The following FAT3 variants were observed in gnomAD, a reference collection of about 807,000 sequenced individuals.
FAT3 encodes the protein FAT atypical cadherin 3, also known as protocadherin Fat 3.
In FAT3, 95 loss-of-function variants were observed where a neutral mutation model predicts 310.2. The ratio of observed to expected loss-of-function variants is 0.31; its 90% CI spans 0.26 to 0.36. The LOEUF (loss-of-function observed/expected upper bound fraction) is 0.36. Ranked by LOEUF, FAT3 falls within the 10% of genes least tolerant of loss-of-function variation. FAT3 has a pLI of 1.00. For missense variants in FAT3, 5,408 were observed against 5,715.6 expected (o/e 0.95, Z 1.74); for synonymous variants, 2,314 against 2,192.9 (o/e 1.06, Z -1.54).
chr11:92,528,178 G>T (rs1953937314), intron 3 of FAT3, among the ~76,000 whole-genome samples: 1 of 152,160 alleles, frequency 6.6e-6, no homozygotes, highest in Admixed American at 6.5e-5. Context: ...ACCACATCTA[G>T]AATCACGTAG....
chr11:92,855,463 G>A (rs1948948420), intron 19 of FAT3, among the ~76,000 whole-genome samples: 1 of 152,200 alleles, frequency 6.6e-6, no homozygotes, highest in Non-Finnish European at 1.5e-5. Context: ...CTTGAGGTGA[G>A]AGAAAGGAGG....
intron 3 of FAT3, among the ~76,000 whole-genome samples, chr11:92,622,551 T>C (rs1941135174): frequency 6.6e-6 from 1 of 152,156 alleles, no homozygotes. Flanking sequence ...CCTTGACTTC[T>C]GGGGAGCATC....
intron 6 of FAT3, among the ~76,000 whole-genome samples, chr11:92,771,718 CATACAA>C (rs1477407442): frequency 1.3e-5 from 2 of 149,866 alleles, no homozygotes; most frequent in Non-Finnish European, 3.0e-5. Flanking sequence ...TACACATACA[CATACAA>C]ATACATATAT....
At chr11:92,823,318 A>T (rs1329599561) in intron 13 of FAT3, among the ~76,000 whole-genome samples, 2 of 152,172 alleles carry the variant, frequency 1.3e-5, no homozygotes, top group East Asian at 3.9e-4. Context: ...ACTTACACTT[A>T]ATCATCCCAG....
chr11:92,352,660 C>G lies in FAT3; in HGVS notation c.548C>G (p.Thr183Arg). 1 of 1,613,860 alleles carries G rather than the reference C, an allele frequency of 6.2e-7. No individual in the cohort carries two copies. Among genetic ancestry groups the G allele is most frequent in the Non-Finnish European group, 8.5e-7 (1 of 1,179,868 alleles). The stretch of plus-strand genomic sequence containing the variant: ...ACTAGTGTTGCCCAGGTGACTGCAA[C>G]AGACGCAGATATTGGTTCCAATGGA... ...LRTSVAQVTA[T>R]DADIGSNGEF... The change falls in exon 2 of 28, where the codon ACA (threonine) becomes AGA (arginine). Residue 183 changes from threonine to arginine, a missense_variant. Thr to Arg is a moderately conservative substitution (Grantham distance 71). This residue lies in a region of FAT3 where 4,588 missense variants were observed against 4,809.8 expected (regional missense o/e 0.95). Transcript: ENST00000525166.
intron 2 of FAT3, among the ~76,000 whole-genome samples, chr11:92,441,634 T>G (rs1951065067): frequency 6.7e-6 from 1 of 150,256 alleles, no homozygotes; most frequent in Admixed American, 6.6e-5. Flanking sequence ...TCCCACTGAT[T>G]TAAAACTAAA....
chr11:92,691,675 C>T (rs1943802574), intron 3 of FAT3, among the ~76,000 whole-genome samples: 2 of 152,118 alleles, frequency 1.3e-5, no homozygotes, highest in South Asian at 2.1e-4. Context: ...GACACCACAC[C>T]TGGCCAAGAG....
At chr11:92,413,615 C>G (rs1033106443) in intron 2 of FAT3, among the ~76,000 whole-genome samples, 2 of 152,160 alleles carry the variant, frequency 1.3e-5, no homozygotes, top group Non-Finnish European at 2.9e-5. Context: ...TATGCTGGAT[C>G]TTGCCATAAG....
intron 3 of FAT3, among the ~76,000 whole-genome samples, chr11:92,626,650 T>C (rs1941351738): frequency 6.6e-6 from 1 of 152,112 alleles, no homozygotes; most frequent in Admixed American, 6.5e-5. Flanking sequence ...TCTTAGAATT[T>C]TGTCTTGATG....
chr11:92,582,261 A>G (rs1010650901), intron 3 of FAT3, among the ~76,000 whole-genome samples: 4 of 151,654 alleles, frequency 2.6e-5, no homozygotes, highest in Non-Finnish European at 5.9e-5. Context: ...CCAACCTCCT[A>G]TCTCATCCTG....
chr11:92,581,903 T>C (rs1422415678), intron 3 of FAT3, among the ~76,000 whole-genome samples: 1 of 151,748 alleles, frequency 6.6e-6, no homozygotes, highest in African/African-American at 2.4e-5. Flanking sequence ...TTAGGGTGAG[T>C]CCATAGAGTA....
At chr11:92,565,881 G>A (rs889033370) in intron 3 of FAT3, among the ~76,000 whole-genome samples, 14 of 152,146 alleles carry the variant, frequency 9.2e-5, no homozygotes, top group East Asian at 1.9e-4. Flanking sequence ...TTGATGGGAC[G>A]TATCTCAAAA....
intron 16 of FAT3, among the ~76,000 whole-genome samples, chr11:92,837,395 C>A (rs897916675): frequency 1.3e-5 from 2 of 152,284 alleles, no homozygotes; most frequent in East Asian, 3.9e-4. Context: ...TTTTGGCTGT[C>A]ATAACTGGGC....
intron 3 of FAT3, among the ~76,000 whole-genome samples, chr11:92,606,942 T>C (rs1406692127): frequency 6.6e-6 from 1 of 152,204 alleles, no homozygotes; most frequent in Non-Finnish European, 1.5e-5. Flanking sequence ...GTCATTACCA[T>C]GACTCTGACA....
At position 92,799,803 on chromosome 11, in the gene FAT3, C is replaced by G. The variant is rs901434188; in HGVS notation, c.6790C>G (p.Leu2264Val). 1 of 1,613,108 alleles carries G rather than the reference C, an allele frequency of 6.2e-7. No individual in the cohort carries two copies. ...YKLTIRASDA[L>V]TGARAEVTVD... ...GCTGACAATAAGAGCCAGCGACGCCCTTACTGGTGCTAGGGCTGAAGTCAC... is the reference window on the plus strand; with the variant it reads ...GCTGACAATAAGAGCCAGCGACGCCGTTACTGGTGCTAGGGCTGAAGTCAC... The change falls in exon 10 of 28, where the codon CTT becomes GTT. Residue 2264 changes from leucine to valine, a missense_variant. Around this residue, in one of 5 missense-constraint regions of FAT3, gnomAD observed 4,588 missense variants for 4,809.8 expected, o/e 0.95. Coordinates refer to ENST00000525166, the MANE Select transcript of FAT3 (RefSeq NM_001367949.2).
At chr11:92,555,976 A>G (rs1955005370) in intron 3 of FAT3, among the ~76,000 whole-genome samples, 1 of 152,214 alleles carries the variant, frequency 6.6e-6, no homozygotes, top group Non-Finnish European at 1.5e-5. Context: ...TGCTCGGTTT[A>G]AAAATAGGAC....
chr11:92,693,490 T>C (rs1426596402), intron 3 of FAT3, among the ~76,000 whole-genome samples: 1 of 152,216 alleles, frequency 6.6e-6, no homozygotes, highest in Non-Finnish European at 1.5e-5. Flanking sequence ...TTTTTCTTGT[T>C]CTCTATTGTC....
chr11:92,505,386 G>A (rs1377526015), intron 2 of FAT3, among the ~76,000 whole-genome samples: 2 of 152,138 alleles, frequency 1.3e-5, no homozygotes, highest in African/African-American at 4.8e-5. Flanking sequence ...GGCTGTGGGT[G>A]TCTGTTTCCC....
intron 2 of FAT3, among the ~76,000 whole-genome samples, chr11:92,379,103 G>C (rs981566409): frequency 6.6e-6 from 1 of 152,046 alleles, no homozygotes; most frequent in Non-Finnish European, 1.5e-5. Flanking sequence ...CTCTCCATAT[G>C]CTTTCTGTAA....
Sources: gnomAD v4.1 joint callset for allele counts (sites outside exome capture counted in the v4.1 genomes callset) on GRCh38, gnomAD v4.1.1 for gene constraint, gnomAD v4.1.1 regional missense constraint, MANE v1.5 for transcripts, NCBI Gene and HGNC (gene_info 2026-07-23, HGNC 2026-07-21) for gene names.